MMP26: variants seen among roughly 807,000 people sequenced by gnomAD.
MMP26 encodes the protein matrix metalloproteinase-26.
A neutral mutation model predicts 31.0 loss-of-function variants in MMP26; 33 were observed. The ratio of observed to expected loss-of-function variants is 1.06; its 90% CI spans 0.81 to 1.42. The LOEUF is 1.42. Ranked by LOEUF, MMP26 falls within the 40% of genes most tolerant of loss-of-function variation. The probability of loss-of-function intolerance (pLI) is 0.00; values close to 1 mark genes in which losing one functional copy is unlikely to be tolerated. For missense variants in MMP26, 347 were observed against 316.1 expected (o/e 1.10, Z -0.74); for synonymous variants, 122 against 114.9 (o/e 1.06, Z -0.40).
At chr11:4,925,801 T>C (rs1405106947) in intron 2 of MMP26, among the ~76,000 whole-genome samples, 1 of 151,216 alleles carries the variant, frequency 6.6e-6, no homozygotes. Context: ...TAGGACAAGT[T>C]TGTTTGTTTG....
intron 2 of MMP26, among the ~76,000 whole-genome samples, chr11:4,903,025 AAT>A (rs1850826395): frequency 6.6e-6 from 1 of 151,984 alleles, no homozygotes. Context: ...TGCTTTAAGA[AAT>A]ACTTAAAACA....
At chr11:4,908,267 G>T in intron 2 of MMP26, 5 of 1,614,110 alleles carry the variant, frequency 3.1e-6, no homozygotes, top group Non-Finnish European at 4.2e-6. Context: ...ACAAATCTGG[G>T]AGAAGATCTT....
chr11:4,834,401 G>T (rs1849688480), intron 2 of MMP26, among the ~76,000 whole-genome samples: 1 of 152,134 alleles, frequency 6.6e-6, no homozygotes, highest in Non-Finnish European at 1.5e-5. Context: ...GGGCTCCAAT[G>T]ATCTCCTAAT....
At chr11:4,844,170 A>G (rs1017664854) in intron 2 of MMP26, among the ~76,000 whole-genome samples, 2 of 152,222 alleles carry the variant, frequency 1.3e-5, no homozygotes, top group Non-Finnish European at 2.9e-5. Context: ...AAAATCTAGA[A>G]GTAATGGAGA....
intron 1 of MMP26, among the ~76,000 whole-genome samples, chr11:4,750,711 A>G (rs569922696): frequency 4.6e-5 from 7 of 152,016 alleles, no homozygotes; most frequent in Non-Finnish European, 8.8e-5. Flanking sequence ...TAAGTAGGGG[A>G]TAAATAATGT....
chr11:4,785,014 G>A (rs1447469098), intron 2 of MMP26, among the ~76,000 whole-genome samples: 1 of 152,110 alleles, frequency 6.6e-6, no homozygotes, highest in African/African-American at 2.4e-5. Context: ...TCAAGGGGAG[G>A]CAATATAGAC....
chr11:4,903,589 G>C (rs1850835086), intron 2 of MMP26, among the ~76,000 whole-genome samples: 1 of 152,024 alleles, frequency 6.6e-6, no homozygotes, highest in South Asian at 2.1e-4. Context: ...CCTGTAGTTT[G>C]TCTCACAATT....
At chr11:4,934,726 T>C (rs1188358534) in intron 2 of MMP26, among the ~76,000 whole-genome samples, 1 of 148,942 alleles carries the variant, frequency 6.7e-6, no homozygotes, top group Non-Finnish European at 1.5e-5. Context: ...GTTTAAATCT[T>C]TAATCCATCT....
chr11:4,791,764 G>C (rs1849031423), intron 2 of MMP26, among the ~76,000 whole-genome samples: 1 of 152,032 alleles, frequency 6.6e-6, no homozygotes, highest in Non-Finnish European at 1.5e-5. Flanking sequence ...TTGGGCTCTA[G>C]GACTAGGTCC....
At chr11:4,872,184 A>G (rs1331096920) in intron 2 of MMP26, among the ~76,000 whole-genome samples, 4 of 152,112 alleles carry the variant, frequency 2.6e-5, no homozygotes, top group African/African-American at 9.7e-5. Context: ...CTCAATAAAT[A>G]TTAGATTGTT....
chr11:4,748,640 G>A (rs986166779), intron 1 of MMP26, among the ~76,000 whole-genome samples: 8 of 148,002 alleles, frequency 5.4e-5, no homozygotes, highest in South Asian at 2.1e-4. Context: ...ATGTCGCAAC[G>A]TAGGCAAATC....
chr11:4,920,615 G>A (rs1314821043), intron 2 of MMP26, among the ~76,000 whole-genome samples: 3 of 152,084 alleles, frequency 2.0e-5, no homozygotes, highest in Non-Finnish European at 4.4e-5. Flanking sequence ...TAAATGCAAA[G>A]CAAGCACAGA....
At chr11:4,940,174 T>C (rs1270483297) in intron 2 of MMP26, among the ~76,000 whole-genome samples, 1 of 152,158 alleles carries the variant, frequency 6.6e-6, no homozygotes, top group East Asian at 1.9e-4. Context: ...ATCCATTTTA[T>C]ACATAAAACA....
chr11:4,923,906 T>C (rs774270415), intron 2 of MMP26: 25 of 1,614,126 alleles, frequency 1.5e-5, no homozygotes, highest in Non-Finnish European at 2.0e-5. Context: ...TAGCCCCATC[T>C]TGACAATACA....
chr11:4,743,321 T>C (rs1184281998), intron 1 of MMP26, among the ~76,000 whole-genome samples: 1 of 152,214 alleles, frequency 6.6e-6, no homozygotes, highest in East Asian at 1.9e-4. Context: ...TTCTTGTCAA[T>C]ATTCAGGAGA....
At chr11:4,706,577 CAAA>C (rs71050423) in intron 1 of MMP26, among the ~76,000 whole-genome samples, 2,419 of 87,390 alleles carry the variant, frequency 0.028, 33 homozygotes, top group African/African-American at 0.078. Context: ...GACCCTATCT[CAAA>C]AAAAAAAAAA....
At chr11:4,795,803 A>T (rs923547706) in intron 2 of MMP26, among the ~76,000 whole-genome samples, 4 of 151,786 alleles carry the variant, frequency 2.6e-5, no homozygotes, top group African/African-American at 9.7e-5. Flanking sequence ...AGATGGTGGG[A>T]GAGGACGAAG....
chr11:4,805,928 G>A (rs761281104), intron 2 of MMP26, among the ~76,000 whole-genome samples: 11 of 152,020 alleles, frequency 7.2e-5, no homozygotes, highest in Non-Finnish European at 1.3e-4. Flanking sequence ...AGTTGCCTGT[G>A]CTTTGTTTGA....
At chr11:4,903,411 G>A in intron 2 of MMP26, among the ~76,000 whole-genome samples, 1 of 152,050 alleles carries the variant, frequency 6.6e-6, no homozygotes, top group Non-Finnish European at 1.5e-5. Flanking sequence ...CCATTTTGTG[G>A]ATGATTAAGC....
Sources: gnomAD v4.1 joint callset for allele counts (sites outside exome capture counted in the v4.1 genomes callset) on GRCh38, gnomAD v4.1.1 for gene constraint, MANE v1.5 for transcripts, NCBI Gene and HGNC (gene_info 2026-07-23, HGNC 2026-07-21) for gene names.